The following GRIN2A variants were observed in gnomAD, a reference collection of about 807,000 sequenced individuals.
GRIN2A encodes the protein glutamate receptor ionotropic, NMDA 2A.
A neutral mutation model predicts 113.4 loss-of-function variants in GRIN2A; 22 were observed. The observed-to-expected ratio is 0.19, with a 90% confidence interval of 0.14 to 0.28. The LOEUF (loss-of-function observed/expected upper bound fraction) is 0.28, where lower values mean the gene tolerates loss of function less well. GRIN2A is among the 10% of genes least tolerant of loss of function. The pLI, the probability that GRIN2A is intolerant of heterozygous loss-of-function variation, is 1.00. For synonymous variants in GRIN2A, 827 were observed against 738.4 expected (o/e 1.12, Z -1.94); for missense variants, 1,502 against 1,887.0 (o/e 0.80, Z 3.78).
At chr16:9,914,904 GCTTTT>G (rs1169575659) in intron 3 of GRIN2A, among the ~76,000 whole-genome samples, 7 of 48,716 alleles carry the variant, frequency 1.4e-4, no homozygotes, top group African/African-American at 4.9e-4. Context: ...TGATTATGCA[GCTTTT>G]TTTTTTTTTT....
At chr16:9,787,292 C>G (rs187389951) in intron 11 of GRIN2A, among the ~76,000 whole-genome samples, 1 of 152,326 alleles carries the variant, frequency 6.6e-6, no homozygotes, top group African/African-American at 2.4e-5. Flanking sequence ...TTCTCTTAAC[C>G]CAGAAAGTCC....
chr16:9,971,025 T>C (rs1174740962), intron 2 of GRIN2A, among the ~76,000 whole-genome samples: 2 of 152,086 alleles, frequency 1.3e-5, no homozygotes, highest in Non-Finnish European at 2.9e-5. Context: ...GGGGAGAGGC[T>C]AGAAGGCTAT....
At chr16:9,941,520 C>G (rs148983248) in intron 2 of GRIN2A, among the ~76,000 whole-genome samples, 232 of 152,326 alleles carry the variant, frequency 1.5e-3, no homozygotes, top group African/African-American at 5.1e-3. Flanking sequence ...GTCTCCACCC[C>G]CTGTCATGCC....
chr16:10,044,506 A>T (rs1189827498), intron 2 of GRIN2A, among the ~76,000 whole-genome samples: 1 of 151,672 alleles, frequency 6.6e-6, no homozygotes, highest in Non-Finnish European at 1.5e-5. Context: ...CCTAACTCCC[A>T]AATTAAGTCA....
chr16:9,768,571 C>A (rs1901062952), intron 12 of GRIN2A, among the ~76,000 whole-genome samples: 1 of 152,206 alleles, frequency 6.6e-6, no homozygotes, highest in African/African-American at 2.4e-5. Flanking sequence ...CCCTATCGTT[C>A]TCTCACTTTG....
chr16:9,904,065 G>C lies in GRIN2A; in HGVS notation c.1008-12965C>G, dbSNP rs373910037. ...GAAGTTCAGTTTTAAATCCACAACT[G>C]TTGGTGTTTATACCCTTAAGGAAAT... On this transcript the variant is annotated intron_variant, in intron 3 of 12. Transcript: ENST00000330684. Among the ~76,000 whole-genome samples, 11 of 152,346 alleles carry C rather than the reference G, an allele frequency of 7.2e-5. No homozygotes were observed. In the East Asian group the frequency reaches 1.4e-3, roughly 19 times the overall value.
intron 7 of GRIN2A, 92 bp from the exon 8 acceptor site, chr16:9,834,322 C>A: frequency 8.5e-7 from 1 of 1,174,282 alleles, no homozygotes; most frequent in Non-Finnish European, 1.3e-6. Context: ...GCAGGCTCGC[C>A]AAAAATATTT....
intron 4 of GRIN2A, among the ~76,000 whole-genome samples, chr16:9,889,688 T>A (rs955903838): frequency 2.6e-5 from 4 of 152,232 alleles, no homozygotes; most frequent in Non-Finnish European, 5.9e-5. Context: ...TATTTTCTAA[T>A]GTCTTTCTGA....
At chr16:9,823,785 A>G (rs1204252325) in intron 9 of GRIN2A, among the ~76,000 whole-genome samples, 4 of 152,142 alleles carry the variant, frequency 2.6e-5, no homozygotes, top group African/African-American at 9.7e-5. Context: ...CCCAGAATTC[A>G]AACCCGGATG....
At chr16:9,974,399 C>G (rs192277432) in intron 2 of GRIN2A, among the ~76,000 whole-genome samples, 16 of 152,234 alleles carry the variant, frequency 1.1e-4, no homozygotes, top group African/African-American at 3.9e-4. Context: ...TGTGAAAATC[C>G]CTGTCCTGTT....
Position 10,180,019 on chromosome 16 carries a change from T to A in GRIN2A, c.393A>T (p.Ala131=), listed in dbSNP as rs2142387472. 1 of 1,613,956 alleles carries A rather than the reference T, an allele frequency of 6.2e-7. No homozygotes were observed. The highest frequency in any genetic ancestry group is 8.5e-7 in the Non-Finnish European group (1 of 1,179,844). ...FVPILGIHGG[A]SMIMADKDPT... ...TTACCTTGTCAGCCATGATCATAGA[T>A]GCGCCCCCATGAATGCCCAAGATGG... Residue 131 remains alanine, a synonymous_variant, in exon 2 of 13, where the codon GCA becomes GCT. Coordinates refer to ENST00000330684, the MANE Select transcript of GRIN2A (RefSeq NM_001134407.3). The surrounding 1 kb of genome is among the most constrained non-coding windows in gnomAD (Gnocchi z 7.0).
intron 2 of GRIN2A, among the ~76,000 whole-genome samples, chr16:10,157,081 A>G (rs1171644098): frequency 6.6e-6 from 1 of 152,180 alleles, no homozygotes; most frequent in Non-Finnish European, 1.5e-5. Context: ...GTGGAGAGTA[A>G]CATGTCCAAT....
chr16:9,960,556 C>G (rs1317745926), intron 2 of GRIN2A, among the ~76,000 whole-genome samples: 1 of 152,168 alleles, frequency 6.6e-6, no homozygotes, highest in Non-Finnish European at 1.5e-5. Flanking sequence ...TGAAGTCAAC[C>G]AGACTATCTT....
At chr16:9,825,495 G>A (rs1031760503) in intron 9 of GRIN2A, among the ~76,000 whole-genome samples, 1 of 152,178 alleles carries the variant, frequency 6.6e-6, no homozygotes, top group African/African-American at 2.4e-5. Flanking sequence ...TGATGGAGGA[G>A]GTAGAGATGC....
chr16:9,908,276 T>C (rs950727299), intron 3 of GRIN2A, among the ~76,000 whole-genome samples: 3 of 152,134 alleles, frequency 2.0e-5, no homozygotes, highest in Admixed American at 1.3e-4. Flanking sequence ...CATCCATAAT[T>C]GCAAGGTCAC....
intron 2 of GRIN2A, among the ~76,000 whole-genome samples, chr16:10,106,577 T>C (rs1285401748): frequency 1.3e-5 from 2 of 152,098 alleles, no homozygotes; most frequent in Non-Finnish European, 2.9e-5. Flanking sequence ...GACTAGTTTG[T>C]CTCTGAATCC....
chr16:9,877,678 C>T (rs189428859), intron 4 of GRIN2A, among the ~76,000 whole-genome samples: 9 of 121,046 alleles, frequency 7.4e-5, no homozygotes, highest in African/African-American at 2.9e-4. Context: ...CCCTTCTTCC[C>T]CTCTCTCTTC....
At chr16:9,839,406 C>T (rs1199639671) in intron 7 of GRIN2A, among the ~76,000 whole-genome samples, 4 of 150,344 alleles carry the variant, frequency 2.7e-5, no homozygotes, top group African/African-American at 9.9e-5. Flanking sequence ...TATGTAAAAA[C>T]ATAAATTTAC....
intron 2 of GRIN2A, among the ~76,000 whole-genome samples, chr16:10,091,924 A>C (rs1183569305): frequency 6.6e-6 from 1 of 152,320 alleles, no homozygotes; most frequent in East Asian, 1.9e-4. Context: ...AAAATGTTCT[A>C]AAATTTATTT....
Sources: allele counts gnomAD v4.1 joint callset (sites outside exome capture counted in the v4.1 genomes callset), GRCh38; gene constraint gnomAD v4.1.1; non-coding constraint Gnocchi (gnomAD v3.1); transcripts MANE v1.5; gene names NCBI Gene and HGNC (gene_info 2026-07-23, HGNC 2026-07-21).